DHRS12: variants seen among roughly 807,000 people sequenced by gnomAD.
The protein encoded by DHRS12 is dehydrogenase/reductase SDR family member 12.
DHRS12 carries 29 observed loss-of-function variants against 32.1 expected under a neutral mutation model. That is an observed-to-expected ratio of 0.90 (90% CI 0.67 to 1.23). DHRS12 has a LOEUF of 1.23. DHRS12 is among the 50% of genes most tolerant of loss of function. The pLI is 0.00. For missense variants in DHRS12, 330 were observed against 337.2 expected, an observed-to-expected ratio of 0.98 and a Z score of 0.17; for synonymous variants, 150 against 135.9, an observed-to-expected ratio of 1.10 and a Z score of -0.72.
At chr13:51,798,392 T>C (rs1955603277) in intron 2 of DHRS12, among the ~76,000 whole-genome samples, 2 of 152,118 alleles carry the variant, frequency 1.3e-5, no homozygotes, top group Non-Finnish European at 2.9e-5. Context: ...GAATGTTGAG[T>C]CCATCAGCAG....
chr13:51,780,243 T>C (rs894268630), intron 4 of DHRS12, among the ~76,000 whole-genome samples: 4 of 152,204 alleles, frequency 2.6e-5, no homozygotes, highest in Non-Finnish European at 5.9e-5. Flanking sequence ...GGGGCATTGT[T>C]ATAAATGGTT....
At chr13:51,755,228 TTGAC>T in the DHRS12 span, 4 of 828,622 alleles carry the variant, frequency 4.8e-6, no homozygotes, top group South Asian at 1.8e-5. Flanking sequence ...TTTTGAATGA[TTGAC>T]TGAGAAATCA....
At position 51,799,538 on chromosome 13, in the gene DHRS12, C is replaced by A; in HGVS notation, c.122G>T (p.Ser41Ile). 6.2e-7 allele frequency: 1 copy of A among 1,613,436 alleles called. No individual in the cohort carries two copies. The highest frequency in any genetic ancestry group is 8.5e-7 in the Non-Finnish European group (1 of 1,179,896). ...LAKQLPLKSP[S>I]ENIFLHIVDL... ...CACGTGTTAGCAGCTGCTTACCTCG[C>A]TTGGCGATTTCAAGGGCAGTTGCTT... is the stretch of plus-strand genomic sequence containing the variant. The change falls in exon 2 of 9, where the codon AGC (serine) becomes ATC (isoleucine). Residue 41 changes from serine to isoleucine, a missense_variant. Ser to Ile is a moderately radical substitution (Grantham distance 142). Coordinates refer to ENST00000444610, the MANE Select transcript of DHRS12 (RefSeq NM_001377533.1).
rs1487423229 is a variant in DHRS12, at chr13:51,782,575, A to G, written c.302-5454T>C. On this transcript the variant is annotated intron_variant, in intron 4 of 8. Coordinates refer to ENST00000444610, the MANE Select transcript of DHRS12 (RefSeq NM_001377533.1). The surrounding 1 kb of genome is among the most constrained non-coding windows in gnomAD (Gnocchi z 4.2). Reference sequence around the variant, plus strand: ...TCAGGGAGATAAGCCGACTGGAGTGAGCTGCAGGATGCCCGGGACTCGGGG... The same window carrying G: ...TCAGGGAGATAAGCCGACTGGAGTGGGCTGCAGGATGCCCGGGACTCGGGG... Among the ~76,000 whole-genome samples the G allele has an allele frequency of 6.6e-6, 1 of 152,154 alleles. No individual in the cohort carries two copies. Among genetic ancestry groups the G allele is most frequent in the Non-Finnish European group, 1.5e-5 (1 of 68,020 alleles).
At chr13:51,759,815 T>C in the DHRS12 span, 6 of 1,587,262 alleles carry the variant, frequency 3.8e-6, no homozygotes, top group Non-Finnish European at 5.2e-6. Context: ...AAAGAAACGG[T>C]TGTTTTAACC....
intron 3 of DHRS12, 47 bp from the exon 4 acceptor site, chr13:51,790,139 A>T: frequency 6.7e-7 from 1 of 1,489,128 alleles, no homozygotes; most frequent in South Asian, 1.2e-5. Context: ...ATAGGGCCAA[A>T]AGACCTATTT....
intron 6 of DHRS12, chr13:51,772,531 C>G (rs1396250139): frequency 1.4e-6 from 1 of 740,392 alleles, no homozygotes; most frequent in East Asian, 1.3e-4. Flanking sequence ...GCTGTAATCC[C>G]AGCTACTCAG....
At position 51,794,906 on chromosome 13, in the gene DHRS12, G is replaced by A. The variant is rs139437671; in HGVS notation, c.127-3649C>T. Reference sequence around the variant, plus strand: ...AAGCCTGGGGAAAAAGGTACACCCTGTTTCTCCCCTAGGCCCTTTGGGAGC... The same window carrying A: ...AAGCCTGGGGAAAAAGGTACACCCTATTTCTCCCCTAGGCCCTTTGGGAGC... On this transcript the variant is annotated intron_variant, in intron 2 of 8. Coordinates refer to ENST00000444610, the MANE Select transcript of DHRS12 (RefSeq NM_001377533.1). 4.6e-3 allele frequency among the ~76,000 whole-genome samples: 702 copies of A among 152,036 alleles called. 5 individuals are homozygous for A. Among genetic ancestry groups the A allele is most frequent in the Middle Eastern group, 0.031 (9 of 294 alleles).
chr13:51,768,139 C>G lies in DHRS12; in HGVS notation c.*48G>C. ...TTCACTGGTCCCTAGACCGCACCTT[C>G]TGGTATCTTCTAAGGCAATTCTGGT... On this transcript the variant is annotated 3_prime_UTR_variant, in exon 9 of 9. Transcript: ENST00000444610. The G allele has an allele frequency of 2.0e-6, 3 of 1,535,532 alleles. No individual in the cohort carries two copies. The highest frequency in any genetic ancestry group is 2.6e-6 in the Non-Finnish European group (3 of 1,146,520).
intron 7 of DHRS12, among the ~76,000 whole-genome samples, chr13:51,769,681 C>T (rs1232817992): frequency 3.9e-5 from 6 of 152,218 alleles, no homozygotes; most frequent in Non-Finnish European, 4.4e-5. Context: ...GGTTCAGGAG[C>T]CCTCTCAAAC....
At chr13:51,756,584 A>C in the DHRS12 span, 1 of 1,406,088 alleles carries the variant, frequency 7.1e-7, no homozygotes, top group Non-Finnish European at 9.3e-7. Context: ...AATATAGTCC[A>C]CGGCAAGCAG....
At chr13:51,756,398 C>A in the DHRS12 span, 1 of 1,614,174 alleles carries the variant, frequency 6.2e-7, no homozygotes, top group African/African-American at 1.3e-5. Context: ...CTCCATCCCC[C>A]TGATGGGCTT....
intron 2 of DHRS12, among the ~76,000 whole-genome samples, chr13:51,792,698 C>T (rs1341411228): frequency 6.6e-6 from 1 of 151,850 alleles, no homozygotes; most frequent in East Asian, 1.9e-4. Flanking sequence ...CCGTGCCCAG[C>T]TTGTGTTGGC....
Position 51,782,065 on chromosome 13 carries a change from G to A in DHRS12, c.302-4944C>T, listed in dbSNP as rs1411292336. On this transcript the variant is annotated intron_variant, in intron 4 of 8. Transcript: ENST00000444610. The surrounding 1 kb of genome is among the most constrained non-coding windows in gnomAD (Gnocchi z 4.2). ...TCACTGCTTGGATATGAGAAGTGAG[G>A]GGGTGTCAAGGACAAGCGGTGACGG... Among the ~76,000 whole-genome samples the A allele has an allele frequency of 6.6e-6, 1 of 152,124 alleles. No individual in the cohort carries two copies. Among genetic ancestry groups the A allele is most frequent in the East Asian group, 1.9e-4 (1 of 5,168 alleles).
At chr13:51,758,366 G>A in the DHRS12 span, 2 of 1,199,924 alleles carry the variant, frequency 1.7e-6, no homozygotes, top group Non-Finnish European at 1.2e-6. Context: ...GGAGCACCAA[G>A]AACATGGGAG....
chr13:51,768,397 G>A, intron 8 of DHRS12, 101 bp from the exon 9 acceptor site: 1 of 1,507,546 alleles, frequency 6.6e-7, no homozygotes, highest in Non-Finnish European at 8.8e-7. Flanking sequence ...CTGCTGGAGT[G>A]GCAGCACCCT....
At chr13:51,789,241 C>G (rs1181466813) in intron 4 of DHRS12, among the ~76,000 whole-genome samples, 1 of 152,190 alleles carries the variant, frequency 6.6e-6, no homozygotes, top group African/African-American at 2.4e-5. Context: ...AAACACCCCC[C>G]TCACTACAAG....
downstream of DHRS12, chr13:51,767,947 C>T: frequency 1.5e-6 from 2 of 1,308,022 alleles, no homozygotes; most frequent in Non-Finnish European, 2.0e-6. Flanking sequence ...GAAAACCATT[C>T]TCGAATAAAT....
intron 4 of DHRS12, among the ~76,000 whole-genome samples, chr13:51,778,268 G>A (rs773647317): frequency 7.2e-5 from 11 of 152,352 alleles, no homozygotes; most frequent in African/African-American, 1.4e-4. Context: ...TGTCCTGTGA[G>A]GACTGGAAAG....
Sources: gnomAD v4.1 joint callset for allele counts (sites outside exome capture counted in the v4.1 genomes callset) on GRCh38, gnomAD v4.1.1 for gene constraint, Gnocchi (gnomAD v3.1) non-coding constraint, MANE v1.5 for transcripts, NCBI Gene and HGNC (gene_info 2026-07-23, HGNC 2026-07-21) for gene names.